KCNIP4: variants seen among roughly 807,000 people sequenced by gnomAD.
KCNIP4 encodes the protein Kv channel-interacting protein 4.
In KCNIP4, 12 loss-of-function variants were observed where a neutral mutation model predicts 34.0. That is an observed-to-expected ratio of 0.35 (90% CI 0.23 to 0.57). KCNIP4 has a LOEUF of 0.57. KCNIP4 is among the 20% of genes least tolerant of loss of function. The pLI is 0.83. For synonymous variants in KCNIP4, 124 were observed against 102.2 expected (o/e 1.21, Z -1.29); for missense variants, 238 against 311.7 (o/e 0.76, Z 1.78).
chr4:21,512,731 T>C (rs1734440413), intron 1 of KCNIP4, among the ~76,000 whole-genome samples: 1 of 152,180 alleles, frequency 6.6e-6, no homozygotes, highest in South Asian at 2.1e-4. Context: ...AGATATGCAT[T>C]GGCTTAGCTG....
At chr4:21,935,775 C>T (rs1729826264) in intron 1 of KCNIP4, among the ~76,000 whole-genome samples, 1 of 152,030 alleles carries the variant, frequency 6.6e-6, no homozygotes, top group African/African-American at 2.4e-5. Context: ...CCACAACTCA[C>T]ATTTATAGGG....
intron 1 of KCNIP4, among the ~76,000 whole-genome samples, chr4:21,040,875 T>C (rs1348649280): frequency 6.6e-6 from 1 of 151,778 alleles, no homozygotes; most frequent in Non-Finnish European, 1.5e-5. Context: ...GGAATTTTTT[T>C]TACGCTCTCA....
chr4:21,264,983 C>T (rs1438989421), intron 1 of KCNIP4, among the ~76,000 whole-genome samples: 4 of 151,950 alleles, frequency 2.6e-5, no homozygotes, highest in African/African-American at 4.8e-5. Context: ...CCTGTGATCC[C>T]GGCAACTCGG....
In KCNIP4 at chr4:20,729,106, G is replaced by GGTTTCTTT. The variant is rs1469099166; in HGVS notation, c.*968_*975dup. On this transcript the variant is annotated 3_prime_UTR_variant, in exon 9 of 9. Transcript: ENST00000382152. ...TCTTAGTAGACAGTGGGGTAGTCAA[G>GGTTTCTTT]GTTTCTTTCTTTGTCCCTGAATGGC... 4 of 151,932 alleles carry GGTTTCTTT rather than the reference G, an allele frequency of 2.6e-5. No homozygotes were observed. The East Asian group carries it at 8.0e-4, about 30-fold the overall frequency. The allele number at this position is 151,932 out of a possible 1,614,324, so 9.4% of individuals were successfully genotyped here.
In KCNIP4 at chr4:21,580,523, C is replaced by T. The variant is rs529267840; in HGVS notation, c.61+368048G>A. Among the ~76,000 whole-genome samples the T allele has an allele frequency of 7.2e-5, 11 of 152,072 alleles. No individual in the cohort carries two copies. The South Asian group carries it at 8.3e-4, about 11-fold the overall frequency. ...TAAAATATTTTTAAAAGTATACTACCGAATATTGTTGCATCAAAACTGTAT... is the reference window on the plus strand; with the variant it reads ...TAAAATATTTTTAAAAGTATACTACTGAATATTGTTGCATCAAAACTGTAT... On this transcript the variant is annotated intron_variant, in intron 1 of 8. Transcript: ENST00000382152.
chr4:20,758,376 T>G (rs1267919996), intron 4 of KCNIP4, among the ~76,000 whole-genome samples: 1 of 152,206 alleles, frequency 6.6e-6, no homozygotes, highest in Non-Finnish European at 1.5e-5. Context: ...AACCCAGATC[T>G]GCCACTGAGT....
At chr4:21,278,385 T>C (rs1382615630) in intron 1 of KCNIP4, among the ~76,000 whole-genome samples, 2 of 152,092 alleles carry the variant, frequency 1.3e-5, no homozygotes, top group South Asian at 2.1e-4. Context: ...CCAGTGTCTA[T>C]TGTTCCCCTC....
In KCNIP4 at chr4:21,416,942, G is replaced by T. The variant is rs567657394; in HGVS notation, c.61+531629C>A. 3.9e-5 allele frequency among the ~76,000 whole-genome samples: 6 copies of T among 152,318 alleles called. No individual in the cohort carries two copies. The South Asian group carries it at 1.2e-3, about 32-fold the overall frequency. On this transcript the variant is annotated intron_variant, in intron 1 of 8. Transcript: ENST00000382152. ...TGAGTAGGGTCAAAGTCATGCTGAT[G>T]AGAGAAAAATGCTTTTCTCATGTGA...
chr4:21,563,898 A>T (rs1739644403), intron 1 of KCNIP4, among the ~76,000 whole-genome samples: 1 of 152,130 alleles, frequency 6.6e-6, no homozygotes, highest in Admixed American at 6.6e-5. Flanking sequence ...AGTGCATGAT[A>T]TAATGCATTT....
intron 1 of KCNIP4, among the ~76,000 whole-genome samples, chr4:21,695,392 G>A (rs527989773): frequency 1.8e-4 from 28 of 151,588 alleles, no homozygotes; most frequent in East Asian, 9.7e-4. Context: ...ATAATCTGTC[G>A]GTCCTTGTTC....
intron 1 of KCNIP4, among the ~76,000 whole-genome samples, chr4:21,673,245 C>T (rs1459427555): frequency 9.2e-5 from 14 of 152,236 alleles, no homozygotes; most frequent in Non-Finnish European, 1.5e-5. Flanking sequence ...ACCAGACAGT[C>T]GAAATTACCC....
At position 21,494,773 on chromosome 4, in the gene KCNIP4, TAAA is replaced by T. The variant is rs34162922; in HGVS notation, c.61+453795_61+453797del. ...GCTTGGGCAACAGAGTCAGACTGTG[TAAA>T]AAAAAAAAAAAAAAATTAGTAAAAT... On this transcript the variant is annotated intron_variant, in intron 1 of 8. Transcript: ENST00000382152. Among the ~76,000 whole-genome samples the T allele has an allele frequency of 8.1e-5, 9 of 111,742 alleles. No homozygotes were observed. In the South Asian group the frequency reaches 8.1e-4, roughly 10 times the overall value. The allele number at this position is 111,742 out of a possible 152,430, so 73.3% of individuals were successfully genotyped here.
chr4:20,755,359 C>G (rs1240060406), intron 4 of KCNIP4, among the ~76,000 whole-genome samples: 1 of 152,196 alleles, frequency 6.6e-6, no homozygotes. Flanking sequence ...TATGAAACAA[C>G]TAATACTTAA....
intron 1 of KCNIP4, among the ~76,000 whole-genome samples, chr4:21,367,488 T>C (rs1027178682): frequency 1.0e-4 from 15 of 148,542 alleles, no homozygotes; most frequent in Non-Finnish European, 1.9e-4. Flanking sequence ...GACATACTTA[T>C]TGCCTTTCAA....
At chr4:21,364,378 T>C (rs751066469) in intron 1 of KCNIP4, among the ~76,000 whole-genome samples, 36 of 152,058 alleles carry the variant, frequency 2.4e-4, no homozygotes, top group Non-Finnish European at 2.1e-4. Flanking sequence ...TAGAAATTTA[T>C]AGAAGGCAGA....
Position 21,181,506 on chromosome 4 carries a change from G to A in KCNIP4, c.62-298797C>T, listed in dbSNP as rs531408972. Among the ~76,000 whole-genome samples, 36 of 152,132 alleles carry A rather than the reference G, an allele frequency of 2.4e-4. 1 individual carries two copies. The South Asian group carries it at 6.4e-3, about 27-fold the overall frequency. On this transcript the variant is annotated intron_variant, in intron 1 of 8. Coordinates refer to ENST00000382152, the MANE Select transcript of KCNIP4 (RefSeq NM_025221.6). Reference sequence around the variant, plus strand: ...AGGATCTTTGGATTCTCATCCATACGTTCATGCATCCATCCATCCATCCAT... The same window carrying A: ...AGGATCTTTGGATTCTCATCCATACATTCATGCATCCATCCATCCATCCAT...
intron 1 of KCNIP4, among the ~76,000 whole-genome samples, chr4:21,497,661 T>A (rs1428302231): frequency 6.6e-6 from 1 of 152,186 alleles, no homozygotes; most frequent in African/African-American, 2.4e-5. Flanking sequence ...AGAGTATGTC[T>A]CAAACTGTGC....
intron 1 of KCNIP4, among the ~76,000 whole-genome samples, chr4:21,664,828 C>A (rs1214407311): frequency 6.6e-6 from 1 of 152,116 alleles, no homozygotes; most frequent in African/African-American, 2.4e-5. Flanking sequence ...TTGTGCATTG[C>A]ACAACTTTAT....
intron 1 of KCNIP4, among the ~76,000 whole-genome samples, chr4:21,511,924 T>C (rs1220233484): frequency 2.6e-5 from 4 of 151,456 alleles, no homozygotes; most frequent in Non-Finnish European, 2.9e-5. Flanking sequence ...TCCAGCATAA[T>C]GGCTGACACA....
Sources: gnomAD v4.1 joint callset for allele counts (sites outside exome capture counted in the v4.1 genomes callset) on GRCh38, gnomAD v4.1.1 for gene constraint, MANE v1.5 for transcripts, NCBI Gene and HGNC (gene_info 2026-07-23, HGNC 2026-07-21) for gene names.